DNAJC13: variants seen among roughly 807,000 people sequenced by gnomAD.
The protein encoded by DNAJC13 is dnaJ homolog subfamily C member 13.
Under a neutral mutation model 290.5 loss-of-function variants are expected in DNAJC13, and 75 were observed. The observed-to-expected ratio is 0.26, with a 90% CI of 0.21 to 0.31. The LOEUF (loss-of-function observed/expected upper bound fraction) is 0.31. Ranked by LOEUF, DNAJC13 falls within the 10% of genes least tolerant of loss-of-function variation. The probability of loss-of-function intolerance (pLI) is 1.00; values close to 1 mark genes in which losing one functional copy is unlikely to be tolerated. For synonymous variants in DNAJC13, 862 were observed against 892.0 expected, an observed-to-expected ratio of 0.97 and a Z score of 0.60; for missense variants, 2,260 against 2,674.5, an observed-to-expected ratio of 0.85 and a Z score of 3.42.
chr3:132,473,173 G>A lies in DNAJC13; in HGVS notation c.2237G>A (p.Arg746Gln), dbSNP rs1232607951. Residue 746 changes from arginine to glutamine, a missense_variant, in exon 21 of 56, where the codon CGA becomes CAA. By Grantham distance (43) the Arg-to-Gln change is conservative. Around this residue, in one of 3 missense-constraint regions of DNAJC13, gnomAD observed 762 missense variants for 964.1 expected, o/e 0.79. Coordinates refer to ENST00000260818, the MANE Select transcript of DNAJC13 (RefSeq NM_015268.4). ...ENINQKPVVLRKRRQRIKIEA... is the reference protein window; with the variant it reads ...ENINQKPVVLQKRRQRIKIEA... ...ATAAATCAGAAGCCAGTGGTTCTTC[G>A]AAAGAGAAGACAAAGAATAAAAATA... 3.7e-6 allele frequency: 6 copies of A among 1,610,860 alleles called. No individual in the cohort carries two copies. Among genetic ancestry groups the A allele is most frequent in the South Asian group, 2.2e-5 (2 of 90,226 alleles).
chr3:132,482,477 G>C lies in DNAJC13; in HGVS notation c.2979+147G>C. The C allele has an allele frequency of 5.2e-6, 3 of 575,142 alleles. No homozygotes were observed. The Middle Eastern group carries it at 8.1e-4, about 156-fold the overall frequency. 35.6% of individuals were successfully genotyped at this position (575,142 alleles called of 1,614,324 possible). ...GGGCCCTGCAACTCAGTTTCCACAT[G>C]AAAAATGGAGAACCAAACATACATA... On this transcript the variant is annotated intron_variant, in intron 27 of 55. Transcript: ENST00000260818.
At chr3:132,532,041 A>T (rs1936432604) in intron 55 of DNAJC13, among the ~76,000 whole-genome samples, 1 of 152,222 alleles carries the variant, frequency 6.6e-6, no homozygotes, top group African/African-American at 2.4e-5. Flanking sequence ...GCTGAATGCT[A>T]AAGAGGCAAT....
At chr3:132,492,131 C>G (rs552066801) in intron 32 of DNAJC13, among the ~76,000 whole-genome samples, 4 of 152,210 alleles carry the variant, frequency 2.6e-5, no homozygotes, top group Non-Finnish European at 5.9e-5. Context: ...CATTCAGATG[C>G]TATACCATTT....
chr3:132,532,568 T>C (rs1238397756), intron 55 of DNAJC13, among the ~76,000 whole-genome samples: 1 of 152,124 alleles, frequency 6.6e-6, no homozygotes, highest in Non-Finnish European at 1.5e-5. Context: ...CTCTTCAGAT[T>C]TGGTGTTAAA....
In DNAJC13 at chr3:132,525,680, A is replaced by G. The variant is rs772934529; in HGVS notation, c.6131A>G (p.Gln2044Arg). 1.1e-5 allele frequency: 17 copies of G among 1,614,116 alleles called. No individual in the cohort carries two copies. Among genetic ancestry groups the G allele is most frequent in the African/African-American group, 5.3e-5 (4 of 74,956 alleles). ...AGCGCACAACCTCAGCTGGCAGATC[A>G]GGTCCCGCCATTGGGCCATCTTCCC... is the stretch of plus-strand genomic sequence containing the variant. Reference protein sequence around the residue: ...LFSAQPQLADQVPPLGHLPKV... With the variant: ...LFSAQPQLADRVPPLGHLPKV... Residue 2044 changes from glutamine (Q) to arginine (R), a missense_variant, in exon 52 of 56, where the codon CAG (glutamine) becomes CGG (arginine). Gln to Arg is a conservative substitution (Grantham distance 43). Transcript: ENST00000260818.
chr3:132,447,825 G>A (rs1933301034), intron 4 of DNAJC13, 73 bp from the exon 5 acceptor site: 1 of 1,195,832 alleles, frequency 8.4e-7, no homozygotes, highest in Non-Finnish European at 1.2e-6. Context: ...TACTTGCTTT[G>A]AGTAGAAGGG....
At chr3:132,506,541 CTTTTTTTTTTTTT>C (rs34151394) in intron 42 of DNAJC13, among the ~76,000 whole-genome samples, 4 of 54,754 alleles carry the variant, frequency 7.3e-5, no homozygotes, top group African/African-American at 1.2e-4. Context: ...CAGTGTATTA[CTTTTTTTTTTTTT>C]TTTTTTTTTT....
rs770402839 is a variant in DNAJC13, at chr3:132,480,337, T to C, written c.2773-32T>C. The C allele has an allele frequency of 4.7e-6, 7 of 1,499,570 alleles. No individual in the cohort carries two copies. The East Asian group carries it at 1.6e-4, about 34-fold the overall frequency. 92.9% of individuals were successfully genotyped at this position (1,499,570 alleles called of 1,614,324 possible). On this transcript the variant is annotated intron_variant, in intron 25 of 55. Coordinates refer to ENST00000260818, the MANE Select transcript of DNAJC13 (RefSeq NM_015268.4). ...TAGGTTTTAGGTTATGAAAAATGTT[T>C]AGATTACGAAAAAAATGTTTTCCTC...
At chr3:132,503,414 C>CAATA (rs777690485) in intron 41 of DNAJC13, 33 bp downstream of exon 41, 1 of 1,612,236 alleles carries the variant, frequency 6.2e-7, no homozygotes, top group Non-Finnish European at 8.5e-7. Context: ...GGGTTTTAAT[C>CAATA]AATAGTGCAA....
chr3:132,437,864 G>T (rs879893441), intron 2 of DNAJC13, among the ~76,000 whole-genome samples: 2 of 151,886 alleles, frequency 1.3e-5, no homozygotes, highest in Admixed American at 1.3e-4. Flanking sequence ...GGCCTGACCA[G>T]CATGATGAAA....
intron 20 of DNAJC13, among the ~76,000 whole-genome samples, chr3:132,468,710 T>C (rs945861447): frequency 6.6e-6 from 1 of 152,156 alleles, no homozygotes; most frequent in African/African-American, 2.4e-5. Flanking sequence ...AAAATAATAG[T>C]AAAGGCACTA....
At chr3:132,465,037 A>G (rs1933928965) in intron 17 of DNAJC13, among the ~76,000 whole-genome samples, 1 of 152,192 alleles carries the variant, frequency 6.6e-6, no homozygotes, top group South Asian at 2.1e-4. Flanking sequence ...AAGCCTTTTT[A>G]GGAGTCACTG....
intron 9 of DNAJC13, among the ~76,000 whole-genome samples, 157 bp downstream of exon 9, chr3:132,454,314 ATT>A (rs71622093): frequency 6.0e-4 from 52 of 86,118 alleles, no homozygotes; most frequent in African/African-American, 2.2e-3. Context: ...CCCATTTTCA[ATT>A]TTTTTTTTTT....
chr3:132,427,704 A>G (rs1027442403), intron 1 of DNAJC13, among the ~76,000 whole-genome samples: 1 of 152,194 alleles, frequency 6.6e-6, no homozygotes, highest in African/African-American at 2.4e-5. Flanking sequence ...AAAATCAAGT[A>G]ATTTAATAGA....
chr3:132,480,244 A>T (rs1338523470), intron 25 of DNAJC13, 125 bp from the exon 26 acceptor site: 13 of 546,114 alleles, frequency 2.4e-5, no homozygotes, highest in Non-Finnish European at 3.9e-5. Context: ...ATTTCCAAGG[A>T]CTCCAAACAT....
chr3:132,485,427 A>G (rs1449230780), intron 29 of DNAJC13, among the ~76,000 whole-genome samples: 1 of 152,240 alleles, frequency 6.6e-6, no homozygotes, highest in African/African-American at 2.4e-5. Context: ...GGCATGAGCC[A>G]CTGCACCCAG....
rs1300732426 is a variant in DNAJC13 at position 132,447,478 on chromosome 3, G to A, written c.294+8G>A. 1.1e-5 allele frequency: 17 copies of A among 1,554,140 alleles called. No individual in the cohort carries two copies. The highest frequency in any genetic ancestry group is 1.5e-5 in the Non-Finnish European group (17 of 1,160,062). On this transcript the variant is annotated splice_region_variant and intron_variant, in intron 4 of 55. Coordinates refer to ENST00000260818, the MANE Select transcript of DNAJC13 (RefSeq NM_015268.4). Reference sequence around the variant, plus strand: ...CTTCTTACAGAAGCATTGGTAAGAAGATTCCATGTTCATAAATAAAATTTC... The same window carrying A: ...CTTCTTACAGAAGCATTGGTAAGAAAATTCCATGTTCATAAATAAAATTTC...
At chr3:132,530,349 A>G (rs1021737554) in intron 54 of DNAJC13, among the ~76,000 whole-genome samples, 2 of 152,230 alleles carry the variant, frequency 1.3e-5, no homozygotes, top group Admixed American at 6.5e-5. Flanking sequence ...TGCAAAAGCT[A>G]TTCACTAAGG....
At chr3:132,423,212 G>A (rs1939007520) in intron 1 of DNAJC13, among the ~76,000 whole-genome samples, 1 of 152,108 alleles carries the variant, frequency 6.6e-6, no homozygotes, top group Non-Finnish European at 1.5e-5. Flanking sequence ...CCAGGAGACT[G>A]AGATTACAGT....
Sources: gnomAD v4.1 joint callset for allele counts (sites outside exome capture counted in the v4.1 genomes callset) on GRCh38, gnomAD v4.1.1 for gene constraint, gnomAD v4.1.1 regional missense constraint, MANE v1.5 for transcripts, NCBI Gene and HGNC (gene_info 2026-07-23, HGNC 2026-07-21) for gene names.